TCF7L1: variants seen among roughly 807,000 people sequenced by gnomAD.
TCF7L1 encodes the protein transcription factor 7 like 1, also known as transcription factor 7-like 1.
TCF7L1 carries 18 observed loss-of-function variants against 63.7 expected under a neutral mutation model. The observed-to-expected ratio is 0.28, with a 90% CI of 0.20 to 0.42. The LOEUF is 0.42. Ranked by LOEUF, TCF7L1 falls within the 10% of genes least tolerant of loss-of-function variation. The probability of loss-of-function intolerance (pLI) is 1.00; values close to 1 mark genes in which losing one functional copy is unlikely to be tolerated. For missense variants in TCF7L1, 654 were observed against 779.3 expected (o/e 0.84, Z 1.91); for synonymous variants, 355 against 340.9 (o/e 1.04, Z -0.46).
intron 4 of TCF7L1, among the ~76,000 whole-genome samples, chr2:85,284,976 G>C (rs1681507754): frequency 6.6e-6 from 1 of 152,246 alleles, no homozygotes; most frequent in South Asian, 2.1e-4. Context: ...GCTCACGCCT[G>C]TAATCCCAGC....
At chr2:85,255,275 T>C (rs1680683123) in intron 3 of TCF7L1, among the ~76,000 whole-genome samples, 1 of 152,010 alleles carries the variant, frequency 6.6e-6, no homozygotes, top group African/African-American at 2.4e-5. Flanking sequence ...CTGGAGGAGA[T>C]TTTTAATACA....
chr2:85,172,760 G>A (rs1052920265), intron 3 of TCF7L1, among the ~76,000 whole-genome samples: 1 of 151,926 alleles, frequency 6.6e-6, no homozygotes, highest in Non-Finnish European at 1.5e-5. Flanking sequence ...ACAACTGCAG[G>A]CTTGCTCCCC....
At chr2:85,157,776 G>A (rs888267776) in intron 3 of TCF7L1, among the ~76,000 whole-genome samples, 4 of 152,222 alleles carry the variant, frequency 2.6e-5, no homozygotes, top group African/African-American at 4.8e-5. Flanking sequence ...GAATGATGGT[G>A]GCCAATCTAC....
At chr2:85,144,115 A>G (rs1677809838) in intron 3 of TCF7L1, among the ~76,000 whole-genome samples, 1 of 152,182 alleles carries the variant, frequency 6.6e-6, no homozygotes, top group African/African-American at 2.4e-5. Context: ...TTGGATTACA[A>G]CATAGTTTGG....
intron 3 of TCF7L1, among the ~76,000 whole-genome samples, chr2:85,260,015 C>T (rs2104345052): frequency 6.6e-6 from 1 of 152,286 alleles, no homozygotes; most frequent in African/African-American, 2.4e-5. Flanking sequence ...ACTGACCTTT[C>T]ACAGTTGGCA....
chr2:85,225,825 T>C (rs530274711), intron 3 of TCF7L1, among the ~76,000 whole-genome samples: 2 of 152,182 alleles, frequency 1.3e-5, no homozygotes, highest in South Asian at 2.1e-4. Context: ...TTGATAGGAG[T>C]GGTGAGAGAG....
intron 3 of TCF7L1, among the ~76,000 whole-genome samples, chr2:85,280,216 C>A (rs1681377869): frequency 6.6e-6 from 1 of 152,230 alleles, no homozygotes; most frequent in Non-Finnish European, 1.5e-5. Flanking sequence ...GGAGATATTT[C>A]TGATGATCTA....
intron 3 of TCF7L1, among the ~76,000 whole-genome samples, chr2:85,175,276 CA>C (rs1365255593): frequency 6.6e-6 from 1 of 152,202 alleles, no homozygotes; most frequent in Non-Finnish European, 1.5e-5. Context: ...CCTGCCCCCA[CA>C]ATTGTTATTT....
At chr2:85,199,343 A>G (rs1679224833) in intron 3 of TCF7L1, among the ~76,000 whole-genome samples, 1 of 152,216 alleles carries the variant, frequency 6.6e-6, no homozygotes, top group African/African-American at 2.4e-5. Context: ...CAATAAAATA[A>G]AATCCCAGTT....
intron 4 of TCF7L1, among the ~76,000 whole-genome samples, chr2:85,288,658 T>G (rs1323663871): frequency 1.3e-5 from 2 of 152,180 alleles, no homozygotes; most frequent in African/African-American, 4.8e-5. Context: ...TCTAAGCAAG[T>G]CACAACTGGG....
intron 3 of TCF7L1, among the ~76,000 whole-genome samples, chr2:85,161,277 A>C (rs1678282151): frequency 6.6e-6 from 1 of 152,198 alleles, no homozygotes; most frequent in East Asian, 1.9e-4. Flanking sequence ...TGAACTCAGG[A>C]ATTTTTTAAG....
intron 3 of TCF7L1, among the ~76,000 whole-genome samples, chr2:85,267,625 G>A (rs1014984789): frequency 2.7e-5 from 4 of 150,538 alleles, no homozygotes; most frequent in Non-Finnish European, 5.9e-5. Context: ...CTCCAACCTG[G>A]GCGACAGAGG....
chr2:85,220,478 G>T (rs1679817853), intron 3 of TCF7L1, among the ~76,000 whole-genome samples: 1 of 152,072 alleles, frequency 6.6e-6, no homozygotes, highest in South Asian at 2.1e-4. Flanking sequence ...CGATTCTCCT[G>T]CCTCAGCCTT....
chr2:85,299,791 A>T (rs1294812414), intron 4 of TCF7L1, among the ~76,000 whole-genome samples: 1 of 150,406 alleles, frequency 6.6e-6, no homozygotes, highest in Non-Finnish European at 1.5e-5. Context: ...CCTGGGAGGT[A>T]GAGGCTGCAG....
intron 3 of TCF7L1, among the ~76,000 whole-genome samples, chr2:85,180,019 T>G (rs940362846): frequency 6.6e-6 from 1 of 152,030 alleles, no homozygotes; most frequent in Non-Finnish European, 1.5e-5. Flanking sequence ...TGTCTTGCCC[T>G]CCTGTGTAGG....
chr2:85,214,940 C>T (rs538146639), intron 3 of TCF7L1, among the ~76,000 whole-genome samples: 2 of 152,282 alleles, frequency 1.3e-5, no homozygotes, highest in Admixed American at 1.3e-4. Flanking sequence ...GTGCTAAAAA[C>T]CTGATTTGGT....
At chr2:85,299,001 A>G (rs1181195349) in intron 4 of TCF7L1, among the ~76,000 whole-genome samples, 2 of 151,744 alleles carry the variant, frequency 1.3e-5, no homozygotes, top group African/African-American at 4.8e-5. Context: ...TTCGACAACT[A>G]TACATAGATC....
intron 3 of TCF7L1, among the ~76,000 whole-genome samples, chr2:85,262,499 A>G (rs1680881587): frequency 6.6e-6 from 1 of 152,206 alleles, no homozygotes; most frequent in Non-Finnish European, 1.5e-5. Flanking sequence ...AATATGGAGA[A>G]AGGAGTCTGT....
At chr2:85,198,448 C>G (rs575246846) in intron 3 of TCF7L1, among the ~76,000 whole-genome samples, 36 of 152,298 alleles carry the variant, frequency 2.4e-4, no homozygotes, top group African/African-American at 8.2e-4. Flanking sequence ...GTCTCAGAGG[C>G]CTGGAGTGTC....
Sources: gnomAD v4.1 joint callset for allele counts (sites outside exome capture counted in the v4.1 genomes callset) on GRCh38, gnomAD v4.1.1 for gene constraint, MANE v1.5 for transcripts, NCBI Gene and HGNC (gene_info 2026-07-23, HGNC 2026-07-21) for gene names.